The following RABGAP1L variants were observed in gnomAD, a reference collection of about 807,000 sequenced individuals.
RABGAP1L encodes rab GTPase-activating protein 1-like.
In RABGAP1L, 63 loss-of-function variants were observed where a neutral mutation model predicts 137.7. That is an observed-to-expected ratio of 0.46 (90% CI 0.37 to 0.56). The LOEUF is 0.56. RABGAP1L is among the 20% of genes least tolerant of loss of function. The pLI is 0.00. For synonymous variants in RABGAP1L, 431 were observed against 433.7 expected (o/e 0.99, Z 0.08); for missense variants, 1,095 against 1,244.0 (o/e 0.88, Z 1.80).
At chr1:174,190,226 G>A (rs188308653) in intron 1 of RABGAP1L, among the ~76,000 whole-genome samples, 104 of 151,222 alleles carry the variant, frequency 6.9e-4, no homozygotes, top group Non-Finnish European at 1.3e-3. Flanking sequence ...TCACTTGAAC[G>A]CGGGAGGCAG....
chr1:174,738,111 G>C (rs1047523510), intron 17 of RABGAP1L, among the ~76,000 whole-genome samples: 9 of 152,092 alleles, frequency 5.9e-5, no homozygotes, highest in African/African-American at 2.2e-4. Context: ...CTCTTTAATG[G>C]GATTGGAAGT....
At chr1:174,619,982 T>A (rs925191325) in intron 13 of RABGAP1L, among the ~76,000 whole-genome samples, 9 of 152,166 alleles carry the variant, frequency 5.9e-5, no homozygotes, top group African/African-American at 2.2e-4. Flanking sequence ...AGGTACGGGT[T>A]GCAATCCTAG....
intron 13 of RABGAP1L, among the ~76,000 whole-genome samples, chr1:174,481,855 C>T (rs993845745): frequency 2.1e-5 from 3 of 145,856 alleles, no homozygotes; most frequent in Non-Finnish European, 3.0e-5. Context: ...GCACATGTAC[C>T]CTAAAACTTA....
rs781263007 is a variant in RABGAP1L at position 174,455,632 on chromosome 1, A to G, written c.1710+61487A>G. On this transcript the variant is annotated intron_variant, in intron 13 of 25. Transcript: ENST00000681986. ...TTCTTAATAGAGTTCTAAGTTTAAT[A>G]TAATTATTAGTAGATGGCGTATTTT... Among the ~76,000 whole-genome samples the G allele has an allele frequency of 3.2e-4, 49 of 152,250 alleles. 1 individual carries two copies. The highest frequency in any genetic ancestry group is 2.5e-3 in the Admixed American group (39 of 15,306).
intron 11 of RABGAP1L, among the ~76,000 whole-genome samples, chr1:174,324,201 A>T (rs1680249637): frequency 6.6e-6 from 1 of 152,158 alleles, no homozygotes; most frequent in Non-Finnish European, 1.5e-5. Context: ...AGTTGTCTTG[A>T]AACAGTTATA....
At chr1:174,214,423 A>G (rs956297504) in intron 1 of RABGAP1L, among the ~76,000 whole-genome samples, 8 of 152,196 alleles carry the variant, frequency 5.3e-5, no homozygotes, top group Non-Finnish European at 1.0e-4. Context: ...AAAGCAATCT[A>G]TAGATTAAAT....
intron 13 of RABGAP1L, among the ~76,000 whole-genome samples, chr1:174,565,001 C>A (rs938158793): frequency 6.6e-6 from 1 of 152,090 alleles, no homozygotes; most frequent in Non-Finnish European, 1.5e-5. Context: ...CCTAGAATAT[C>A]AAATATTTGC....
rs1682454628 is a variant in RABGAP1L, at chr1:174,346,623, TTC to T, written c.1466-24352_1466-24351del. ...ATCTCTGATTTCATTTATTTGGGGC[TTC>T]TCTTTTTTTTTCTTAGTCTGTATAA... is the stretch of plus-strand genomic sequence containing the variant. On this transcript the variant is annotated intron_variant, in intron 11 of 25. Coordinates refer to ENST00000681986, the MANE Select transcript of RABGAP1L (RefSeq NM_001366446.1). Among the ~76,000 whole-genome samples the T allele has an allele frequency of 1.3e-5, 2 of 152,070 alleles. 1 individual carries two copies. Among genetic ancestry groups the T allele is most frequent in the South Asian group, 4.1e-4 (2 of 4,832 alleles).
chr1:174,208,385 G>C (rs1207184791), intron 1 of RABGAP1L, among the ~76,000 whole-genome samples: 1 of 151,944 alleles, frequency 6.6e-6, no homozygotes, highest in Non-Finnish European at 1.5e-5. Flanking sequence ...TCCAATCTTA[G>C]GGGGAAAGTG....
intron 19 of RABGAP1L, among the ~76,000 whole-genome samples, chr1:174,895,867 G>T (rs12066247): frequency 0.13 from 19,394 of 152,148 alleles, 1,308 homozygotes; most frequent in East Asian, 0.22. Context: ...GTTGGTTCCA[G>T]GTCTTTGCTA....
intron 13 of RABGAP1L, among the ~76,000 whole-genome samples, chr1:174,430,743 T>C (rs1268303792): frequency 6.6e-6 from 1 of 152,194 alleles, no homozygotes; most frequent in Admixed American, 6.5e-5. Flanking sequence ...TAAAGCCACA[T>C]TGTTGAATAT....
At chr1:174,496,149 C>T (rs1347701305) in intron 13 of RABGAP1L, among the ~76,000 whole-genome samples, 1 of 151,986 alleles carries the variant, frequency 6.6e-6, no homozygotes, top group Admixed American at 6.6e-5. Context: ...TATGTATTAA[C>T]AAAATTTGAA....
At chr1:174,547,512 G>A (rs1318902047) in intron 13 of RABGAP1L, among the ~76,000 whole-genome samples, 2 of 152,154 alleles carry the variant, frequency 1.3e-5, no homozygotes, top group African/African-American at 4.8e-5. Context: ...AGGTACTTAG[G>A]TGGCTGAGGT....
intron 13 of RABGAP1L, among the ~76,000 whole-genome samples, chr1:174,467,950 A>G (rs558829997): frequency 2.6e-5 from 4 of 152,174 alleles, no homozygotes; most frequent in Non-Finnish European, 5.9e-5. Flanking sequence ...ATTTCCCTCA[A>G]TAGGAAAACG....
chr1:174,310,164 G>A (rs59753012), intron 11 of RABGAP1L, among the ~76,000 whole-genome samples: 5,277 of 152,194 alleles, frequency 0.035, 121 homozygotes, highest in Middle Eastern at 0.088. Context: ...GTCTATAACA[G>A]TATTTTATGA....
At chr1:174,658,382 C>A (rs1007421016) in intron 14 of RABGAP1L, among the ~76,000 whole-genome samples, 1 of 152,048 alleles carries the variant, frequency 6.6e-6, no homozygotes, top group Non-Finnish European at 1.5e-5. Flanking sequence ...AGCAGTATTT[C>A]CAATTCCAAT....
At chr1:174,626,716 A>G (rs1572582588) in intron 13 of RABGAP1L, among the ~76,000 whole-genome samples, 3 of 152,118 alleles carry the variant, frequency 2.0e-5, no homozygotes, top group African/African-American at 4.8e-5. Context: ...CTTTTGTATT[A>G]TTGTCTCTAG....
chr1:174,800,080 C>G, intron 18 of RABGAP1L: 1 of 1,293,044 alleles, frequency 7.7e-7, no homozygotes, highest in Non-Finnish European at 9.8e-7. Flanking sequence ...TTCTCGCATT[C>G]GATTGCTTTT....
intron 1 of RABGAP1L, among the ~76,000 whole-genome samples, chr1:174,200,531 T>C (rs1329020146): frequency 6.6e-6 from 1 of 152,098 alleles, no homozygotes; most frequent in South Asian, 2.1e-4. Flanking sequence ...TTTACTAGAG[T>C]AGATTTAATC....
Sources: allele counts gnomAD v4.1 joint callset (sites outside exome capture counted in the v4.1 genomes callset), GRCh38; gene constraint gnomAD v4.1.1; transcripts MANE v1.5; gene names NCBI Gene and HGNC (gene_info 2026-07-23, HGNC 2026-07-21).